GOLIM4: variants seen among roughly 807,000 people sequenced by gnomAD.
GOLIM4 encodes golgi integral membrane protein 4, also known as 130 kDa golgi-localized phosphoprotein.
In GOLIM4, 71 loss-of-function variants were observed where a neutral mutation model predicts 107.4. The ratio of observed to expected loss-of-function variants is 0.66; its 90% CI spans 0.55 to 0.81. The LOEUF (loss-of-function observed/expected upper bound fraction) is 0.81. GOLIM4 is among the 30% of genes least tolerant of loss of function. The pLI is 0.00. For missense variants in GOLIM4, 830 were observed against 826.1 expected (o/e 1.00, Z -0.06); for synonymous variants, 327 against 294.8 (o/e 1.11, Z -1.12).
intron 11 of GOLIM4, among the ~76,000 whole-genome samples, chr3:168,028,606 G>A (rs1309872964): frequency 6.6e-6 from 1 of 152,102 alleles, no homozygotes; most frequent in East Asian, 1.9e-4. Flanking sequence ...ACTGATATGA[G>A]AACAAAAAAG....
intron 9 of GOLIM4, 130 bp from the exon 10 acceptor site, chr3:168,030,166 A>T: frequency 2.3e-6 from 2 of 868,920 alleles, no homozygotes; most frequent in South Asian, 1.8e-5. Flanking sequence ...GTGAACTGTG[A>T]TTATACATGA....
chr3:168,027,047 C>T (rs1440878644), intron 12 of GOLIM4, among the ~76,000 whole-genome samples: 1 of 152,210 alleles, frequency 6.6e-6, no homozygotes, highest in African/African-American at 2.4e-5. Flanking sequence ...AACAGACTCA[C>T]TAAACATTTG....
intron 1 of GOLIM4, among the ~76,000 whole-genome samples, chr3:168,049,963 T>A (rs1438738637): frequency 6.6e-6 from 1 of 152,150 alleles, no homozygotes; most frequent in Non-Finnish European, 1.5e-5. Context: ...CGTCTCTAAC[T>A]CCTAGAATGC....
chr3:168,027,633 T>A (rs1718068097), intron 12 of GOLIM4, 95 bp downstream of exon 12: 1 of 757,466 alleles, frequency 1.3e-6, no homozygotes, highest in Non-Finnish European at 2.4e-6. Flanking sequence ...ATAACAGAAA[T>A]ATCTGGGGCT....
chr3:168,015,427 G>C (rs1717307551), intron 14 of GOLIM4, among the ~76,000 whole-genome samples: 1 of 137,838 alleles, frequency 7.3e-6, no homozygotes, highest in Non-Finnish European at 1.5e-5. Flanking sequence ...CATGCTCATG[G>C]GTAGGAAGAA....
At chr3:168,031,430 T>C (rs1718333007) in intron 9 of GOLIM4, among the ~76,000 whole-genome samples, 2 of 152,242 alleles carry the variant, frequency 1.3e-5, no homozygotes, top group African/African-American at 2.4e-5. Context: ...ATTATATGAA[T>C]GTTTCAAAAT....
chr3:168,084,352 T>C (rs1237818551), intron 1 of GOLIM4, among the ~76,000 whole-genome samples: 1 of 152,150 alleles, frequency 6.6e-6, no homozygotes, highest in Non-Finnish European at 1.5e-5. Context: ...TTTCTAGCAA[T>C]GTGAGAACAG....
rs776117332 is a variant in GOLIM4 at position 168,040,844 on chromosome 3, T to A, written c.626A>T (p.Glu209Val). 11 of 1,612,616 alleles carry A rather than the reference T, an allele frequency of 6.8e-6. No individual in the cohort carries two copies. Among genetic ancestry groups the A allele is most frequent in the Non-Finnish European group, 9.3e-6 (11 of 1,178,670 alleles). The change falls in exon 7 of 16, where the codon GAG becomes GTG. Residue 209 changes from glutamate to valine, a missense_variant. Transcript: ENST00000470487. ...CAAAGTCACTACAAGTTGTTCATGC[T>A]CGGAGAGTAAATTCTTATGCTGTTG... ...VKQQHKNLLS[E>V]HEQLVVTLED...
Position 168,048,458 on chromosome 3 carries a change from G to A in GOLIM4, c.188-93C>T. The A allele has an allele frequency of 1.2e-5, 8 of 656,790 alleles. No homozygotes were observed. In the South Asian group the frequency reaches 1.2e-4, roughly 10 times the overall value. The allele number at this position is 656,790 out of a possible 1,614,324, so 40.7% of individuals were successfully genotyped here. On this transcript the variant is annotated intron_variant, in intron 1 of 15. Coordinates refer to ENST00000470487, the MANE Select transcript of GOLIM4 (RefSeq NM_014498.5). ...TTTAAAACAGGAAGAAAACAGTGTAGAGTCTTTACACAATTTAAATAAAAA... is the reference window on the plus strand; with the variant it reads ...TTTAAAACAGGAAGAAAACAGTGTAAAGTCTTTACACAATTTAAATAAAAA...
intron 11 of GOLIM4, 84 bp from the exon 12 acceptor site, chr3:168,027,921 C>T: frequency 2.4e-6 from 2 of 828,826 alleles, no homozygotes; most frequent in Non-Finnish European, 4.2e-6. Context: ...CACCAGTGGA[C>T]TTTTCTACAG....
chr3:168,071,909 G>A (rs765649338), intron 1 of GOLIM4, among the ~76,000 whole-genome samples: 5 of 152,054 alleles, frequency 3.3e-5, no homozygotes, highest in South Asian at 2.1e-4. Context: ...CGCCTGTGAC[G>A]GAGTTTCCCT....
At chr3:168,052,925 T>G (rs1209488975) in intron 1 of GOLIM4, among the ~76,000 whole-genome samples, 3 of 152,176 alleles carry the variant, frequency 2.0e-5, no homozygotes, top group Non-Finnish European at 4.4e-5. Flanking sequence ...ATCTCAGCAG[T>G]CAAGATCTTT....
chr3:168,095,612 T>C lies in GOLIM4; in HGVS notation c.-327A>G, dbSNP rs1722154219. Reference sequence around the variant, plus strand: ...GTCCCCAGATGCCTCCTGCCTTTTTTCCTTCTTCCCACTTTTTGGCCCCGC... The same window carrying C: ...GTCCCCAGATGCCTCCTGCCTTTTTCCCTTCTTCCCACTTTTTGGCCCCGC... On this transcript the variant is annotated 5_prime_UTR_variant, in exon 1 of 16. Transcript: ENST00000470487. 7.0e-6 allele frequency: 2 copies of C among 284,130 alleles called. No individual in the cohort carries two copies. The highest frequency in any genetic ancestry group is 1.0e-4 in the East Asian group (1 of 10,024). 17.6% of individuals were successfully genotyped at this position (284,130 alleles called of 1,614,324 possible). A position where few individuals can be genotyped will look rare whatever the true frequency, so the allele number is the denominator to read the frequency against.
rs1236338506 is a variant in GOLIM4, at chr3:168,017,881, TG to T, written c.1860+6644del. Among the ~76,000 whole-genome samples, 7 of 152,218 alleles carry T rather than the reference TG, an allele frequency of 4.6e-5. No individual in the cohort carries two copies. In the East Asian group the frequency reaches 1.3e-3, roughly 29 times the overall value. Reference sequence around the variant, plus strand: ...TTCTGTTTTAAGTAGTTTTCATTCATGTGCACTATTATTACTGTGTAAATGA... The same window carrying T: ...TTCTGTTTTAAGTAGTTTTCATTCATTGCACTATTATTACTGTGTAAATGA... On this transcript the variant is annotated intron_variant, in intron 14 of 15. Transcript: ENST00000470487.
At chr3:168,057,939 A>G (rs1720068191) in intron 1 of GOLIM4, among the ~76,000 whole-genome samples, 1 of 152,146 alleles carries the variant, frequency 6.6e-6, no homozygotes, top group Non-Finnish European at 1.5e-5. Flanking sequence ...CACTTTAACT[A>G]AATTCCCAAA....
chr3:168,052,512 AAAT>A (rs147671720), intron 1 of GOLIM4, among the ~76,000 whole-genome samples: 2,159 of 152,292 alleles, frequency 0.014, 53 homozygotes, highest in African/African-American at 0.049. Context: ...AAGAAAAAGC[AAAT>A]AATAATTCCA....
intron 5 of GOLIM4, among the ~76,000 whole-genome samples, chr3:168,043,005 T>C (rs1315066235): frequency 6.6e-6 from 1 of 152,162 alleles, no homozygotes; most frequent in Non-Finnish European, 1.5e-5. Flanking sequence ...TTTAGAAATA[T>C]ATGGAGCAAT....
intron 1 of GOLIM4, among the ~76,000 whole-genome samples, chr3:168,060,452 G>C (rs1220181494): frequency 6.6e-6 from 1 of 152,110 alleles, no homozygotes; most frequent in Non-Finnish European, 1.5e-5. Context: ...GCTGAGATGG[G>C]GAAGGCCAAT....
chr3:168,090,453 T>C (rs1274343567), intron 1 of GOLIM4, among the ~76,000 whole-genome samples: 2 of 152,068 alleles, frequency 1.3e-5, no homozygotes, highest in African/African-American at 4.8e-5. Flanking sequence ...GAAATGCAAG[T>C]TAAAATCACA....
Sources: gnomAD v4.1 joint callset for allele counts (sites outside exome capture counted in the v4.1 genomes callset) on GRCh38, gnomAD v4.1.1 for gene constraint, MANE v1.5 for transcripts, NCBI Gene and HGNC (gene_info 2026-07-23, HGNC 2026-07-21) for gene names.